DNAJC8: variants seen among roughly 807,000 people sequenced by gnomAD.
The protein encoded by DNAJC8 is dnaJ homolog subfamily C member 8.
Under a neutral mutation model 43.2 loss-of-function variants are expected in DNAJC8, and 24 were observed. That is an observed-to-expected ratio of 0.56 (90% CI 0.40 to 0.78). The LOEUF is 0.78. Among genes scored for constraint, DNAJC8 ranks in the 30% least tolerant of loss-of-function variants. The probability of loss-of-function intolerance (pLI) is 0.00; values close to 1 mark genes in which losing one functional copy is unlikely to be tolerated. For missense variants in DNAJC8, 207 were observed against 299.4 expected, an observed-to-expected ratio of 0.69 and a Z score of 2.28; for synonymous variants, 83 against 98.0, an observed-to-expected ratio of 0.85 and a Z score of 0.90.
chr1:28,212,216 A>ATATATAT (rs1557708051), intron 3 of DNAJC8, among the ~76,000 whole-genome samples: 7 of 71,682 alleles, frequency 9.8e-5, no homozygotes, highest in Admixed American at 3.1e-4. Flanking sequence ...TATATATATA[A>ATATATAT]ATGAAATTAA....
At chr1:28,210,927 T>C (rs899301634) in intron 3 of DNAJC8, among the ~76,000 whole-genome samples, 1 of 152,154 alleles carries the variant, frequency 6.6e-6, no homozygotes. Context: ...CCCACCACTT[T>C]GGGAGGCTGA....
At chr1:28,209,882 A>G in intron 5 of DNAJC8, 90 bp downstream of exon 5, 1 of 1,118,922 alleles carries the variant, frequency 8.9e-7, no homozygotes, top group Non-Finnish European at 1.3e-6. Flanking sequence ...TTGTGCCAGT[A>G]GGCATTACTA....
intron 6 of DNAJC8, among the ~76,000 whole-genome samples, chr1:28,207,092 A>T (rs904410916): frequency 1.3e-5 from 2 of 151,808 alleles, no homozygotes; most frequent in Non-Finnish European, 1.5e-5. Flanking sequence ...ACTGAAAAAA[A>T]TTGGGCCAGG....
In DNAJC8 at chr1:28,213,560, T is replaced by C. The variant is rs1646829798; in HGVS notation, c.237+1380A>G. Among the ~76,000 whole-genome samples, 3 of 152,108 alleles carry C rather than the reference T, an allele frequency of 2.0e-5. No individual in the cohort carries two copies. In the South Asian group the frequency reaches 6.2e-4, roughly 31 times the overall value. ...GCACACCACTGGATATTAACAAGTA[T>C]CTCATCAGAAGCTGAAAATTACATT... is the stretch of plus-strand genomic sequence containing the variant. On this transcript the variant is annotated intron_variant, in intron 3 of 8. Coordinates refer to ENST00000263697, the MANE Select transcript of DNAJC8 (RefSeq NM_014280.3).
intron 2 of DNAJC8, among the ~76,000 whole-genome samples, chr1:28,218,991 C>T (rs1646880550): frequency 6.6e-6 from 1 of 152,008 alleles, no homozygotes; most frequent in Admixed American, 6.6e-5. Flanking sequence ...TCCCAGAAGG[C>T]GCCCAAATAA....
Position 28,215,568 on chromosome 1 carries a change from G to A in DNAJC8, c.181-572C>T, listed in dbSNP as rs183701340. Reference sequence around the variant, plus strand: ...TTTTTTTTTTTTGAGATGGAGTCTCGCTCTTATTGCCCAGGCTGGAGTGCA... The same window carrying A: ...TTTTTTTTTTTTGAGATGGAGTCTCACTCTTATTGCCCAGGCTGGAGTGCA... On this transcript the variant is annotated intron_variant, in intron 2 of 8. Coordinates refer to ENST00000263697, the MANE Select transcript of DNAJC8 (RefSeq NM_014280.3). Among the ~76,000 whole-genome samples the A allele has an allele frequency of 6.5e-4, 98 of 151,044 alleles. 2 individuals are homozygous for A. Among genetic ancestry groups the A allele is most frequent in the South Asian group, 4.2e-4 (2 of 4,780 alleles).
chr1:28,209,954 A>G lies in DNAJC8; in HGVS notation c.399+18T>C. ...TGCTGATACTTCCTGTAAACACAGC[A>G]GCACTATAAATACTTACAGTGTGTT... On this transcript the variant is annotated intron_variant, in intron 5 of 8. Coordinates refer to ENST00000263697, the MANE Select transcript of DNAJC8 (RefSeq NM_014280.3). 6.2e-7 allele frequency: 1 copy of G among 1,602,022 alleles called. No individual in the cohort carries two copies. The highest frequency in any genetic ancestry group is 8.6e-7 in the Non-Finnish European group (1 of 1,169,082).
intron 6 of DNAJC8, 64 bp downstream of exon 6, chr1:28,208,278 G>A: frequency 7.7e-7 from 1 of 1,301,532 alleles, no homozygotes; most frequent in Non-Finnish European, 1.1e-6. Flanking sequence ...TTCTGTCTCT[G>A]TAACCCACCA....
chr1:28,212,998 T>C (rs1230874279), intron 3 of DNAJC8, among the ~76,000 whole-genome samples: 1 of 152,232 alleles, frequency 6.6e-6, no homozygotes, highest in Non-Finnish European at 1.5e-5. Flanking sequence ...GAGGATACAT[T>C]ATGTGCCAAG....
chr1:28,227,098 C>G (rs1276334759), intron 2 of DNAJC8, among the ~76,000 whole-genome samples: 1 of 130,474 alleles, frequency 7.7e-6, no homozygotes, highest in Non-Finnish European at 1.6e-5. Flanking sequence ...GAATTTCTCT[C>G]TCTCTCTTTT....
At chr1:28,214,507 G>A (rs753034818) in intron 3 of DNAJC8, among the ~76,000 whole-genome samples, 3 of 152,042 alleles carry the variant, frequency 2.0e-5, no homozygotes, top group Admixed American at 6.6e-5. Context: ...ACACTCCAGC[G>A]TGGGCGACAA....
chr1:28,220,618 G>A (rs1254103745), intron 2 of DNAJC8, among the ~76,000 whole-genome samples: 1 of 152,146 alleles, frequency 6.6e-6, no homozygotes, highest in African/African-American at 2.4e-5. Flanking sequence ...ATCCAATTGT[G>A]AGGGCAGAGA....
chr1:28,223,245 A>G (rs894946623), intron 2 of DNAJC8, among the ~76,000 whole-genome samples: 1 of 152,158 alleles, frequency 6.6e-6, no homozygotes, highest in African/African-American at 2.4e-5. Flanking sequence ...TGTTCATGGA[A>G]GAAGGTGGCT....
intron 2 of DNAJC8, 130 bp from the exon 3 acceptor site, chr1:28,215,126 G>A: frequency 1.6e-6 from 1 of 612,920 alleles, no homozygotes; most frequent in South Asian, 3.5e-5. Flanking sequence ...AACACAGGCT[G>A]GCACACAGTT....
chr1:28,206,099 G>C (rs1557705562), intron 6 of DNAJC8, among the ~76,000 whole-genome samples: 2 of 152,078 alleles, frequency 1.3e-5, no homozygotes, highest in African/African-American at 4.8e-5. Flanking sequence ...GGCTGAGGTG[G>C]GAGGATCGCT....
intron 3 of DNAJC8, among the ~76,000 whole-genome samples, chr1:28,212,192 TATATATATATATATATATATATAA>T (rs1272358617): frequency 7.4e-5 from 8 of 108,758 alleles, no homozygotes; most frequent in African/African-American, 3.0e-4. Flanking sequence ...TATATATATA[TATATATATATATATATATATATAA>T]ATGAAATTAA....
At chr1:28,206,116 CAGG>C (rs1310285041) in intron 6 of DNAJC8, among the ~76,000 whole-genome samples, 2 of 151,886 alleles carry the variant, frequency 1.3e-5, no homozygotes, top group African/African-American at 4.8e-5. Flanking sequence ...CGCTTGAGCT[CAGG>C]AGGTCAAGGC....
chr1:28,213,222 T>A (rs1646827468), intron 3 of DNAJC8, among the ~76,000 whole-genome samples: 1 of 152,222 alleles, frequency 6.6e-6, no homozygotes, highest in Admixed American at 6.5e-5. Flanking sequence ...TCAGTCCATA[T>A]TAATGATTTA....
At chr1:28,213,343 T>A (rs1198568634) in intron 3 of DNAJC8, among the ~76,000 whole-genome samples, 1 of 151,958 alleles carries the variant, frequency 6.6e-6, no homozygotes, top group East Asian at 1.9e-4. Flanking sequence ...TTAGAAAATT[T>A]GAAATTTTAG....
Sources: gnomAD v4.1 joint callset for allele counts (sites outside exome capture counted in the v4.1 genomes callset) on GRCh38, gnomAD v4.1.1 for gene constraint, MANE v1.5 for transcripts, NCBI Gene and HGNC (gene_info 2026-07-23, HGNC 2026-07-21) for gene names.